The following CNST variants were observed in gnomAD, a reference collection of about 807,000 sequenced individuals.
CNST encodes consortin, connexin sorting protein, also known as consortin.
CNST carries 39 observed loss-of-function variants against 72.4 expected under a neutral mutation model. The observed-to-expected ratio is 0.54, with a 90% CI of 0.42 to 0.70. The LOEUF (loss-of-function observed/expected upper bound fraction) is 0.70. Ranked by LOEUF, CNST falls within the 30% of genes least tolerant of loss-of-function variation. CNST has a pLI of 0.00. For missense variants in CNST, 871 were observed against 868.5 expected (o/e 1.00, Z -0.04); for synonymous variants, 332 against 320.1 (o/e 1.04, Z -0.40).
chr1:246,620,957 C>G (rs12117825), intron 2 of CNST, among the ~76,000 whole-genome samples: 2 of 152,354 alleles, frequency 1.3e-5, no homozygotes, highest in South Asian at 4.1e-4. Flanking sequence ...AAGTTCCTTT[C>G]TGAGGCAGTC....
chr1:246,611,002 C>T (rs1166590206), intron 2 of CNST, among the ~76,000 whole-genome samples: 1 of 152,212 alleles, frequency 6.6e-6, no homozygotes, highest in Non-Finnish European at 1.5e-5. Context: ...GCAACACCTG[C>T]TGCTTTTCTG....
intron 3 of CNST, among the ~76,000 whole-genome samples, chr1:246,625,669 C>CT (rs550873624): frequency 1.6e-3 from 250 of 152,194 alleles, no homozygotes; most frequent in African/African-American, 5.8e-3. Context: ...ATCCGCCCGC[C>CT]TCGGCCTCCC....
chr1:246,570,750 A>G (rs371795069), intron 1 of CNST, among the ~76,000 whole-genome samples: 1 of 152,210 alleles, frequency 6.6e-6, no homozygotes, highest in African/African-American at 2.4e-5. Context: ...TTTTAGTTGG[A>G]TAAGAGAAAA....
Position 246,651,813 on chromosome 1 carries a change from A to G in CNST, c.1836+3776A>G, listed in dbSNP as rs552584276. Among the ~76,000 whole-genome samples the G allele has an allele frequency of 4.6e-5, 7 of 152,294 alleles. No individual in the cohort carries two copies. In the South Asian group the frequency reaches 1.5e-3, roughly 32 times the overall value. ...ATACTGTTTTTAAAAAGCATCAAAA[A>G]TTTTATCCTCCTTTCATAGATTTTT... is the stretch of plus-strand genomic sequence containing the variant. On this transcript the variant is annotated intron_variant, in intron 9 of 10. Coordinates refer to ENST00000366513, the MANE Select transcript of CNST (RefSeq NM_152609.3).
chr1:246,575,342 A>G (rs971433245), intron 1 of CNST, among the ~76,000 whole-genome samples: 8 of 152,214 alleles, frequency 5.3e-5, no homozygotes, highest in African/African-American at 1.9e-4. Context: ...TGAATAGATA[A>G]ATAAAAGGTG....
At chr1:246,622,319 G>A (rs556156947) in intron 3 of CNST, among the ~76,000 whole-genome samples, 5 of 152,322 alleles carry the variant, frequency 3.3e-5, no homozygotes, top group Non-Finnish European at 7.3e-5. Flanking sequence ...CGGTTCTATC[G>A]ATAAGTAAGT....
chr1:246,586,109 ATATGTG>A (rs60888703), intron 1 of CNST, among the ~76,000 whole-genome samples: 36,377 of 121,900 alleles, frequency 0.3, 5,431 homozygotes, highest in East Asian at 0.62. Flanking sequence ...ATATATATAT[ATATGTG>A]TGTGTGTGTG....
At chr1:246,618,258 G>A (rs1364849026) in intron 2 of CNST, among the ~76,000 whole-genome samples, 1 of 152,164 alleles carries the variant, frequency 6.6e-6, no homozygotes, top group Non-Finnish European at 1.5e-5. Flanking sequence ...TTCGTTTTAG[G>A]TAAGGAAACT....
intron 10 of CNST, among the ~76,000 whole-genome samples, chr1:246,663,057 G>A (rs1365223067): frequency 1.3e-5 from 2 of 152,114 alleles, no homozygotes; most frequent in African/African-American, 2.4e-5. Flanking sequence ...AGAAAAGCAC[G>A]TAAGGCATGG....
intron 2 of CNST, 48 bp from the exon 3 acceptor site, chr1:246,621,381 C>G: frequency 7.2e-7 from 1 of 1,394,586 alleles, no homozygotes; most frequent in Non-Finnish European, 1.0e-6. Flanking sequence ...TGTGTTACAC[C>G]ATCATGGGAA....
chr1:246,597,281 T>C (rs978844667), intron 2 of CNST, among the ~76,000 whole-genome samples: 6 of 152,180 alleles, frequency 3.9e-5, no homozygotes, highest in African/African-American at 1.4e-4. Context: ...TTTTAAAGGG[T>C]ACAATTTAGT....
At chr1:246,594,489 G>A (rs1248509489) in intron 2 of CNST, among the ~76,000 whole-genome samples, 1 of 152,090 alleles carries the variant, frequency 6.6e-6, no homozygotes, top group Non-Finnish European at 1.5e-5. Flanking sequence ...GAGTAAGAAA[G>A]GCCAGGCGTG....
At chr1:246,646,097 G>A (rs1286642628) in intron 8 of CNST, among the ~76,000 whole-genome samples, 2 of 151,810 alleles carry the variant, frequency 1.3e-5, no homozygotes, top group African/African-American at 2.4e-5. Context: ...GGCTAACACG[G>A]TGAAACCCCA....
chr1:246,650,826 C>T (rs540218154), intron 9 of CNST, among the ~76,000 whole-genome samples: 2 of 152,082 alleles, frequency 1.3e-5, no homozygotes, highest in South Asian at 2.1e-4. Flanking sequence ...TACAGGCATG[C>T]ACCACCATGC....
chr1:246,588,493 C>A (rs1036241454), intron 1 of CNST, among the ~76,000 whole-genome samples: 1 of 152,076 alleles, frequency 6.6e-6, no homozygotes, highest in Non-Finnish European at 1.5e-5. Flanking sequence ...AAGGAAGAAT[C>A]CAGAATGGAG....
chr1:246,647,912 G>A lies in CNST; in HGVS notation c.1711G>A (p.Asp571Asn), dbSNP rs868198156. The A allele has an allele frequency of 9.9e-6, 16 of 1,613,730 alleles. No homozygotes were observed. Among genetic ancestry groups the A allele is most frequent in the Middle Eastern group, 1.6e-4 (1 of 6,084 alleles). ...CCTTTCCTATGAAGATAACCAAGACGACGACTCCGATCTCCTTCAAGATCT... is the reference window on the plus strand; with the variant it reads ...CCTTTCCTATGAAGATAACCAAGACAACGACTCCGATCTCCTTCAAGATCT... ...DSLSYEDNQD[D>N]DSDLLQDLSP... Residue 571 changes from aspartate (D) to asparagine (N), a missense_variant, in exon 9 of 11, where the codon GAC (aspartate) becomes AAC (asparagine). Coordinates refer to ENST00000366513, the MANE Select transcript of CNST (RefSeq NM_152609.3).
chr1:246,653,600 G>A (rs999270588), intron 9 of CNST, among the ~76,000 whole-genome samples: 12 of 152,172 alleles, frequency 7.9e-5, no homozygotes, highest in African/African-American at 2.9e-4. Flanking sequence ...GGAAAACCCA[G>A]GAATTACCTG....
chr1:246,566,893 A>G, intron 1 of CNST: 1 of 374,666 alleles, frequency 2.7e-6, no homozygotes, highest in Non-Finnish European at 4.7e-6. Flanking sequence ...CGTCGCGCCA[A>G]TTTCTCCCTC....
At chr1:246,618,301 G>A (rs1211788571) in intron 2 of CNST, among the ~76,000 whole-genome samples, 1 of 152,124 alleles carries the variant, frequency 6.6e-6, no homozygotes, top group Non-Finnish European at 1.5e-5. Context: ...TCTAATCGAA[G>A]GTCTCTTGGA....
Sources: gnomAD v4.1 joint callset for allele counts (sites outside exome capture counted in the v4.1 genomes callset) on GRCh38, gnomAD v4.1.1 for gene constraint, MANE v1.5 for transcripts, NCBI Gene and HGNC (gene_info 2026-07-23, HGNC 2026-07-21) for gene names.